Variants in CUX1 observed in about 807,000 individuals in gnomAD.
CUX1 encodes the protein cut like homeobox 1.
CUX1 carries 31 observed loss-of-function variants against 158.8 expected under a neutral mutation model. That is an observed-to-expected ratio of 0.20 (90% CI 0.15 to 0.26). The LOEUF is 0.26. Among genes scored for constraint, CUX1 ranks in the 10% least tolerant of loss-of-function variants. The probability of loss-of-function intolerance (pLI) is 1.00; values close to 1 mark genes in which losing one functional copy is unlikely to be tolerated. For synonymous variants in CUX1, 879 were observed against 862.1 expected (o/e 1.02, Z -0.34); for missense variants, 1,589 against 2,014.6 (o/e 0.79, Z 4.04).
intron 17 of CUX1, among the ~76,000 whole-genome samples, chr7:102,277,452 C>T (rs1419847144): frequency 6.6e-5 from 10 of 151,662 alleles, no homozygotes; most frequent in African/African-American, 2.4e-4. Context: ...AAAAACTAGC[C>T]AGGCATGGTG....
intron 3 of CUX1, among the ~76,000 whole-genome samples, chr7:102,064,405 G>A (rs1287071374): frequency 6.6e-6 from 1 of 152,206 alleles, no homozygotes; most frequent in Non-Finnish European, 1.5e-5. Flanking sequence ...GCAGGCACGA[G>A]GTAGCTGGAA....
At chr7:101,873,481 G>A (rs1194980833) in intron 1 of CUX1, among the ~76,000 whole-genome samples, 2 of 149,314 alleles carry the variant, frequency 1.3e-5, no homozygotes, top group Admixed American at 1.4e-4. Context: ...GAGCCACCAT[G>A]CCTGGTATTA....
In CUX1 at chr7:102,081,208, A is replaced by G. The variant is rs78415901; in HGVS notation, c.268+10791A>G. ...TCTTAGCCTTTTCCTTTTCATTTGC[A>G]TTCCCTCCCTATCTAAAACTCCACA... On this transcript the variant is annotated intron_variant, in intron 4 of 23. Transcript: ENST00000292535. Among the ~76,000 whole-genome samples the G allele has an allele frequency of 1.1e-4, 16 of 152,134 alleles. No individual in the cohort carries two copies. In the East Asian group the frequency reaches 3.1e-3, roughly 29 times the overall value.
At chr7:102,118,024 A>G (rs1831617011) in intron 8 of CUX1, among the ~76,000 whole-genome samples, 2 of 152,196 alleles carry the variant, frequency 1.3e-5, no homozygotes, top group South Asian at 2.1e-4. Flanking sequence ...TTTGGAGGCC[A>G]TGGGCTCATT....
rs782175682 is a variant in CUX1, at chr7:102,201,809, T to G, written c.2512T>G (p.Ser838Ala). ...GCCGGAGAGAAGAAATGCCGCCTCCTCCGAGGAGGCCAAGGCCGAAGAAAC... is the reference window on the plus strand; with the variant it reads ...GCCGGAGAGAAGAAATGCCGCCTCCGCCGAGGAGGCCAAGGCCGAAGAAAC... ...VQPERRNAAS[S>A]EEAKAEETGG... Residue 838 changes from serine (S) to alanine (A), a missense_variant, in exon 18 of 24, where the codon TCC becomes GCC. Physicochemically the swap from Ser to Ala is moderately conservative, Grantham distance 99 (BLOSUM62 1). Around this residue, in one of 8 missense-constraint regions of CUX1, gnomAD observed 337 missense variants for 409.3 expected, o/e 0.82. Transcript: ENST00000292535. This position sits in a 1 kb window ranked among gnomAD's most constrained non-coding sequence, Gnocchi z 5.0. 4 of 1,612,728 alleles carry G rather than the reference T, an allele frequency of 2.5e-6. No homozygotes were observed. The highest frequency in any genetic ancestry group is 3.4e-6 in the Non-Finnish European group (4 of 1,179,880).
In CUX1 at chr7:102,249,281, T is replaced by TCCACCAACCCCGCGGCCC. The variant is rs1801219054; in HGVS notation, c.*240_*257dup. Reference sequence around the variant, plus strand: ...TGCGGCCCGGGCCGACCCTGCGGCCTCCACCAACCCCGCGGCCCAGACCCA... The same window carrying TCCACCAACCCCGCGGCCC: ...TGCGGCCCGGGCCGACCCTGCGGCCTCCACCAACCCCGCGGCCCCCACCAACCCCGCGGCCCAGACCCA... On this transcript the variant is annotated 3_prime_UTR_variant, in exon 24 of 24. Transcript: ENST00000292535. 1 of 1,046,658 alleles carries TCCACCAACCCCGCGGCCC rather than the reference T, an allele frequency of 9.6e-7. No individual in the cohort carries two copies. Among genetic ancestry groups the TCCACCAACCCCGCGGCCC allele is most frequent in the Non-Finnish European group, 1.2e-6 (1 of 868,966 alleles). 64.8% of individuals were successfully genotyped at this position (1,046,658 alleles called of 1,614,324 possible).
At chr7:102,183,409 G>A (rs1195261997) in intron 11 of CUX1, among the ~76,000 whole-genome samples, 1 of 151,974 alleles carries the variant, frequency 6.6e-6, no homozygotes, top group Non-Finnish European at 1.5e-5. Flanking sequence ...GATCATTGGA[G>A]CATACACAGC....
intron 3 of CUX1, among the ~76,000 whole-genome samples, chr7:102,034,211 G>A (rs1414198090): frequency 6.8e-6 from 1 of 146,668 alleles, no homozygotes; most frequent in Non-Finnish European, 1.5e-5. Context: ...CTTTTCAAAG[G>A]TATTAGTAAA....
intron 8 of CUX1, among the ~76,000 whole-genome samples, chr7:102,154,835 T>C (rs1279504977): frequency 6.6e-6 from 1 of 152,164 alleles, no homozygotes; most frequent in African/African-American, 2.4e-5. Context: ...AGAGGGCTTA[T>C]ATAGGGGCAC....
At chr7:101,858,014 T>G (rs1053862966) in intron 1 of CUX1, among the ~76,000 whole-genome samples, 4 of 152,120 alleles carry the variant, frequency 2.6e-5, no homozygotes, top group African/African-American at 7.2e-5. Flanking sequence ...TCCCAGCTCC[T>G]CGGGAGGCTG....
At chr7:102,116,942 C>A (rs1480036645) in intron 8 of CUX1, among the ~76,000 whole-genome samples, 1 of 152,166 alleles carries the variant, frequency 6.6e-6, no homozygotes, top group African/African-American at 2.4e-5. Context: ...TCCTCTGTGC[C>A]TCGCCCTGTG....
chr7:102,067,828 C>T (rs1210976171), intron 3 of CUX1, among the ~76,000 whole-genome samples: 3 of 145,036 alleles, frequency 2.1e-5, no homozygotes, highest in Non-Finnish European at 4.5e-5. Flanking sequence ...ACCAGCCTGG[C>T]CAACATGACG....
At chr7:102,157,414 G>A (rs1359825216) in intron 8 of CUX1, among the ~76,000 whole-genome samples, 1 of 152,122 alleles carries the variant, frequency 6.6e-6, no homozygotes, top group East Asian at 1.9e-4. Context: ...TGCAGACATT[G>A]GGGTGGTGGT....
intron 5 of CUX1, among the ~76,000 whole-genome samples, chr7:102,102,831 G>T (rs1554486950): frequency 1.3e-5 from 2 of 152,174 alleles, no homozygotes; most frequent in African/African-American, 2.4e-5. Context: ...CATCCAGCAT[G>T]CGGAGTGGCA....
chr7:102,205,126 T>A lies in CUX1; in HGVS notation c.3086T>A (p.Val1029Glu), dbSNP rs781848557. 11 of 1,610,850 alleles carry A rather than the reference T, an allele frequency of 6.8e-6. No individual in the cohort carries two copies. Among genetic ancestry groups the A allele is most frequent in the Non-Finnish European group, 9.3e-6 (11 of 1,177,756 alleles). Residue 1029 changes from valine (V) to glutamate (E), a missense_variant, in exon 20 of 24, where the codon GTG (valine) becomes GAG (glutamate). Around this residue, in one of 8 missense-constraint regions of CUX1, gnomAD observed 259 missense variants for 373.8 expected, o/e 0.69. Transcript: ENST00000292535. ...GQQQGPVLHS[V>E]TSLQDPLQQG... ...TTTTCTACTTTAGTCCTCCACTCCG[T>A]GACATCGCTCCAGGACCCGCTGCAG...
At chr7:102,163,948 G>C (rs1554507946) in intron 9 of CUX1, among the ~76,000 whole-genome samples, 1 of 152,206 alleles carries the variant, frequency 6.6e-6, no homozygotes, top group African/African-American at 2.4e-5. Context: ...AAGTAGCAGA[G>C]GGGTCGGCAC....
intron 4 of CUX1, among the ~76,000 whole-genome samples, chr7:102,092,350 G>A (rs1476126816): frequency 6.6e-6 from 1 of 152,124 alleles, no homozygotes; most frequent in Non-Finnish European, 1.5e-5. Context: ...GCCTCTGACT[G>A]GGGTGAATCC....
chr7:101,917,446 C>T (rs776779475), intron 2 of CUX1, among the ~76,000 whole-genome samples: 3 of 152,158 alleles, frequency 2.0e-5, no homozygotes, highest in Non-Finnish European at 4.4e-5. Context: ...CTGCTTGCCT[C>T]GGCTGCCCCT....
At chr7:101,875,420 T>C (rs1055787672) in intron 1 of CUX1, among the ~76,000 whole-genome samples, 2 of 152,226 alleles carry the variant, frequency 1.3e-5, no homozygotes, top group African/African-American at 4.8e-5. Context: ...CCAAAAACAC[T>C]TGGCTGTTAG....
Sources: gnomAD v4.1 joint callset for allele counts (sites outside exome capture counted in the v4.1 genomes callset) on GRCh38, gnomAD v4.1.1 for gene constraint, gnomAD v4.1.1 regional missense constraint, Gnocchi (gnomAD v3.1) non-coding constraint, MANE v1.5 for transcripts, NCBI Gene and HGNC (gene_info 2026-07-23, HGNC 2026-07-21) for gene names.